The following KCNN2 variants were observed in gnomAD, a reference collection of about 807,000 sequenced individuals.
The protein encoded by KCNN2 is potassium calcium-activated channel subfamily N member 2.
KCNN2 carries 24 observed loss-of-function variants against 55.5 expected under a neutral mutation model. That is an observed-to-expected ratio of 0.43 (90% CI 0.31 to 0.61). The LOEUF (loss-of-function observed/expected upper bound fraction) is 0.61. Among genes scored for constraint, KCNN2 ranks in the 20% least tolerant of loss-of-function variants. The pLI is 0.08. For missense variants in KCNN2, 754 were observed against 853.6 expected (o/e 0.88, Z 1.45); for synonymous variants, 431 against 336.1 (o/e 1.28, Z -3.09).
At chr5:114,059,125 G>T (rs964399798) in intron 1 of KCNN2, among the ~76,000 whole-genome samples, 1 of 152,176 alleles carries the variant, frequency 6.6e-6, no homozygotes, top group African/African-American at 2.4e-5. Context: ...ATAGATTCAG[G>T]ACACAATTGA....
intron 1 of KCNN2, among the ~76,000 whole-genome samples, chr5:114,097,424 C>G (rs1214723597): frequency 1.3e-5 from 2 of 152,256 alleles, no homozygotes; most frequent in Admixed American, 6.5e-5. Context: ...TTGATGGTCA[C>G]TAGTGTCATG....
At chr5:114,193,227 C>T (rs1262490725) in intron 1 of KCNN2, among the ~76,000 whole-genome samples, 1 of 152,110 alleles carries the variant, frequency 6.6e-6, no homozygotes. Flanking sequence ...TGTGCTTCAA[C>T]TCAGCTCAGC....
At chr5:114,226,056 G>A (rs1297832052) in intron 2 of KCNN2, among the ~76,000 whole-genome samples, 6 of 152,164 alleles carry the variant, frequency 3.9e-5, no homozygotes, top group Non-Finnish European at 8.8e-5. Context: ...GAAACAGTGA[G>A]TCAGGGATTA....
At chr5:114,098,135 G>A (rs73782158) in intron 1 of KCNN2, among the ~76,000 whole-genome samples, 1,706 of 152,108 alleles carry the variant, frequency 0.011, 46 homozygotes, top group African/African-American at 0.039. Flanking sequence ...TCATCACATG[G>A]CCTTCTTCTC....
intron 2 of KCNN2, among the ~76,000 whole-genome samples, chr5:114,325,199 TGAA>T (rs1756692409): frequency 6.6e-6 from 1 of 152,082 alleles, no homozygotes; most frequent in South Asian, 2.1e-4. Context: ...AACAGATAAA[TGAA>T]GAAAGGAAGA....
intron 1 of KCNN2, among the ~76,000 whole-genome samples, chr5:114,156,994 C>CT (rs544870674): frequency 0.032 from 4,702 of 147,802 alleles, 246 homozygotes; most frequent in African/African-American, 0.11. Flanking sequence ...TTTGGGATTT[C>CT]TTTTTTTTTT....
At chr5:114,482,704 G>A (rs187775697) in intron 5 of KCNN2, among the ~76,000 whole-genome samples, 1 of 152,080 alleles carries the variant, frequency 6.6e-6, no homozygotes, top group African/African-American at 2.4e-5. Context: ...CCATAAAAAG[G>A]AACAAGATCA....
chr5:114,170,432 G>A (rs1370016518), intron 1 of KCNN2, among the ~76,000 whole-genome samples: 1 of 151,878 alleles, frequency 6.6e-6, no homozygotes. Flanking sequence ...AATTACTTTG[G>A]TTATGCTTTG....
At chr5:114,141,383 G>GT (rs909523673) in intron 1 of KCNN2, among the ~76,000 whole-genome samples, 16 of 150,574 alleles carry the variant, frequency 1.1e-4, no homozygotes, top group East Asian at 3.9e-4. Context: ...CGCGGAGTTT[G>GT]TTTTTTTTTG....
At chr5:114,326,299 G>A (rs1178447845) in intron 2 of KCNN2, among the ~76,000 whole-genome samples, 1 of 152,162 alleles carries the variant, frequency 6.6e-6, no homozygotes, top group East Asian at 1.9e-4. Flanking sequence ...AACATTCCAG[G>A]TTGAGGAAAC....
chr5:114,146,913 G>C (rs1752410056), intron 1 of KCNN2, among the ~76,000 whole-genome samples: 1 of 152,152 alleles, frequency 6.6e-6, no homozygotes, highest in Non-Finnish European at 1.5e-5. Context: ...GTTTCTGACA[G>C]GTTTTTGTAA....
At chr5:114,259,777 T>C (rs980902732) in intron 2 of KCNN2, among the ~76,000 whole-genome samples, 8 of 152,294 alleles carry the variant, frequency 5.3e-5, no homozygotes, top group Non-Finnish European at 1.0e-4. Flanking sequence ...CTAGCCCGTC[T>C]CTACCAGCCT....
intron 3 of KCNN2, among the ~76,000 whole-genome samples, chr5:114,436,092 G>C (rs1759995369): frequency 2.0e-5 from 3 of 152,118 alleles, no homozygotes; most frequent in South Asian, 4.1e-4. Context: ...GACTGTAATG[G>C]GTCAGTCAGG....
At chr5:114,458,166 T>C (rs956137259) in intron 3 of KCNN2, among the ~76,000 whole-genome samples, 2 of 152,222 alleles carry the variant, frequency 1.3e-5, no homozygotes, top group Admixed American at 1.3e-4. Flanking sequence ...TGATGGTGGA[T>C]TGATCACATG....
At chr5:114,171,820 T>G (rs1255977476) in intron 1 of KCNN2, among the ~76,000 whole-genome samples, 3 of 151,900 alleles carry the variant, frequency 2.0e-5, no homozygotes, top group Non-Finnish European at 4.4e-5. Flanking sequence ...ACCTGTGGAA[T>G]GTCATTTTAT....
chr5:114,235,649 A>G (rs1211239415), intron 2 of KCNN2, among the ~76,000 whole-genome samples: 1 of 152,174 alleles, frequency 6.6e-6, no homozygotes, highest in African/African-American at 2.4e-5. Context: ...AAGAAAGGAG[A>G]TAGGAGTGAG....
chr5:114,276,658 A>ATT (rs141201743), intron 2 of KCNN2, among the ~76,000 whole-genome samples: 18,157 of 130,396 alleles, frequency 0.14, 1,673 homozygotes, highest in Non-Finnish European at 0.18. Context: ...CAACCCCTGC[A>ATT]TTTTTTTTTT....
chr5:114,267,861 T>C (rs554390692), intron 2 of KCNN2, among the ~76,000 whole-genome samples: 14 of 152,328 alleles, frequency 9.2e-5, no homozygotes, highest in African/African-American at 3.4e-4. Context: ...GCAGAAGCTT[T>C]GAGTCAGACT....
chr5:114,309,163 T>C (rs1204982890), intron 2 of KCNN2, among the ~76,000 whole-genome samples: 5 of 152,212 alleles, frequency 3.3e-5, no homozygotes, highest in African/African-American at 1.2e-4. Context: ...TTCACTTATG[T>C]CTATTTGAAA....
Sources: gnomAD v4.1 joint callset for allele counts (sites outside exome capture counted in the v4.1 genomes callset) on GRCh38, gnomAD v4.1.1 for gene constraint, MANE v1.5 for transcripts, NCBI Gene and HGNC (gene_info 2026-07-23, HGNC 2026-07-21) for gene names.